The following SLC8A1 variants were observed in gnomAD, a reference collection of about 807,000 sequenced individuals.
SLC8A1 encodes the protein sodium/calcium exchanger 1.
Under a neutral mutation model 68.3 loss-of-function variants are expected in SLC8A1, and 18 were observed. That is an observed-to-expected ratio of 0.26 (90% CI 0.18 to 0.39). The LOEUF (loss-of-function observed/expected upper bound fraction) is 0.39, where lower values mean the gene tolerates loss of function less well. SLC8A1 is among the 10% of genes least tolerant of loss of function. The probability of loss-of-function intolerance (pLI) is 1.00; values close to 1 mark genes in which losing one functional copy is unlikely to be tolerated. For synonymous variants in SLC8A1, 475 were observed against 415.5 expected, an observed-to-expected ratio of 1.14 and a Z score of -1.74; for missense variants, 985 against 1,156.7, an observed-to-expected ratio of 0.85 and a Z score of 2.15.
chr2:40,300,789 C>T (rs1024968549), intron 2 of SLC8A1, among the ~76,000 whole-genome samples: 69 of 152,206 alleles, frequency 4.5e-4, no homozygotes, highest in African/African-American at 1.6e-3. Flanking sequence ...CTGCAGCAGT[C>T]ATTTTGCTTT....
At chr2:40,279,534 T>C (rs1448318654) in intron 2 of SLC8A1, among the ~76,000 whole-genome samples, 2 of 152,196 alleles carry the variant, frequency 1.3e-5, no homozygotes, top group African/African-American at 2.4e-5. Context: ...CTAATTGTTA[T>C]TGAGGAAGAA....
At chr2:40,220,791 A>G (rs1032915433) in intron 2 of SLC8A1, among the ~76,000 whole-genome samples, 2 of 152,094 alleles carry the variant, frequency 1.3e-5, no homozygotes, top group Non-Finnish European at 2.9e-5. Context: ...AGAATGATGC[A>G]AGATTGTAAC....
At chr2:40,338,756 C>T (rs1319198903) in intron 2 of SLC8A1, among the ~76,000 whole-genome samples, 2 of 152,048 alleles carry the variant, frequency 1.3e-5, no homozygotes, top group Non-Finnish European at 2.9e-5. Context: ...GGATTTTCTT[C>T]TTTTAGAAAT....
rs373167067 is a variant in SLC8A1 at position 40,428,966 on chromosome 2, T to C, written c.1315A>G (p.Thr439Ala). 1.5e-4 allele frequency: 240 copies of C among 1,613,650 alleles called. No homozygotes were observed. Among genetic ancestry groups the C allele is most frequent in the Non-Finnish European group, 2.0e-4 (234 of 1,179,886 alleles). Reference sequence around the variant, plus strand: ...TCTGTTCTGAAGTCAACAAACACAGTGTTAGTCAAATCACCACCTCTGCGG... The same window carrying C: ...TCTGTTCTGAAGTCAACAAACACAGCGTTAGTCAAATCACCACCTCTGCGG... Residue 439 changes from threonine to alanine, a missense_variant, in exon 2 of 8, where the codon ACT becomes GCT. Physicochemically the swap from Thr to Ala is moderately conservative, Grantham distance 58. Around this residue, in one of 5 missense-constraint regions of SLC8A1, gnomAD observed 584 missense variants for 565.9 expected, o/e 1.03. Coordinates refer to ENST00000406785, the Ensembl canonical transcript of SLC8A1.
intron 1 of SLC8A1, among the ~76,000 whole-genome samples, chr2:40,465,031 C>T (rs952409856): frequency 6.6e-6 from 1 of 152,166 alleles, no homozygotes; most frequent in African/African-American, 2.4e-5. Flanking sequence ...GGAAAAAGGG[C>T]GGGTGAGAGG....
At position 40,484,451 on chromosome 2, in the gene SLC8A1, T is replaced by C. The variant is rs1157963392; in HGVS notation, c.-25+27898A>G. Among the ~76,000 whole-genome samples, 5 of 152,360 alleles carry C rather than the reference T, an allele frequency of 3.3e-5. No individual in the cohort carries two copies. In the South Asian group the frequency reaches 8.3e-4, roughly 25 times the overall value. On this transcript the variant is annotated intron_variant, in intron 1 of 7. Coordinates refer to the SLC8A1 transcript ENST00000402441. ...CACTCTTCTCAGGGATGCTGTGAGC[T>C]TTCTCGTATCTTTACAATAGATTAT...
At chr2:40,435,636 G>C (rs888964256) in intron 1 of SLC8A1, among the ~76,000 whole-genome samples, 2 of 152,112 alleles carry the variant, frequency 1.3e-5, no homozygotes, top group Non-Finnish European at 2.9e-5. Flanking sequence ...AGGAAATGAA[G>C]AAACTAGGGT....
At chr2:40,297,631 C>T (rs2070662086) in intron 2 of SLC8A1, among the ~76,000 whole-genome samples, 1 of 152,160 alleles carries the variant, frequency 6.6e-6, no homozygotes, top group South Asian at 2.1e-4. Context: ...CTTCTTTATA[C>T]CAATCATCTG....
At chr2:40,487,953 C>A (rs1214548336) in intron 1 of SLC8A1, among the ~76,000 whole-genome samples, 3 of 152,224 alleles carry the variant, frequency 2.0e-5, no homozygotes, top group East Asian at 3.9e-4. Context: ...ACGATACTAC[C>A]AGCCACAGGG....
At chr2:40,292,298 G>C (rs2069479165) in intron 2 of SLC8A1, among the ~76,000 whole-genome samples, 1 of 152,124 alleles carries the variant, frequency 6.6e-6, no homozygotes, top group African/African-American at 2.4e-5. Flanking sequence ...CTGCTGACAA[G>C]TCAGACTATT....
intron 7 of SLC8A1, among the ~76,000 whole-genome samples, chr2:40,136,999 C>A (rs779954279): frequency 1.3e-5 from 2 of 151,748 alleles, no homozygotes; most frequent in Non-Finnish European, 2.9e-5. Flanking sequence ...GAAACTGTTT[C>A]AACAACAAAT....
At chr2:40,392,807 T>A (rs1685738043) in intron 2 of SLC8A1, among the ~76,000 whole-genome samples, 1 of 152,078 alleles carries the variant, frequency 6.6e-6, no homozygotes, top group Non-Finnish European at 1.5e-5. Flanking sequence ...AAAGGAGGGC[T>A]TTCAGCATTA....
chr2:40,232,078 G>C (rs986753429), intron 2 of SLC8A1, among the ~76,000 whole-genome samples: 1 of 152,100 alleles, frequency 6.6e-6, no homozygotes, highest in Non-Finnish European at 1.5e-5. Context: ...AATGGGTCCA[G>C]TTCAAAAAAT....
chr2:40,122,328 T>C (rs1471392688), intron 7 of SLC8A1, among the ~76,000 whole-genome samples: 3 of 152,022 alleles, frequency 2.0e-5, no homozygotes, highest in East Asian at 2.0e-4. Context: ...TTGCTGATGT[T>C]TGACTGATTA....
intron 2 of SLC8A1, among the ~76,000 whole-genome samples, chr2:40,323,262 C>G (rs1227020162): frequency 1.3e-5 from 2 of 152,042 alleles, no homozygotes; most frequent in African/African-American, 4.8e-5. Context: ...AAATAATCAT[C>G]CTGGATTCTG....
chr2:40,174,930 C>T, intron 3 of SLC8A1, 88 bp from the exon 5 acceptor site: 1 of 1,246,254 alleles, frequency 8.0e-7, no homozygotes, highest in Non-Finnish European at 1.2e-6. Context: ...GACAACCCAC[C>T]CAAGGTACTT....
At chr2:40,220,786 G>A (rs555527495) in intron 2 of SLC8A1, among the ~76,000 whole-genome samples, 32 of 151,960 alleles carry the variant, frequency 2.1e-4, no homozygotes, top group African/African-American at 7.2e-4. Flanking sequence ...CTTACAGAAT[G>A]ATGCAAGATT....
chr2:40,314,170 G>C (rs2074125088), intron 2 of SLC8A1, among the ~76,000 whole-genome samples: 1 of 151,952 alleles, frequency 6.6e-6, no homozygotes, highest in Admixed American at 6.6e-5. Flanking sequence ...TTTGGAATTT[G>C]TGCATATAGT....
At chr2:40,387,756 G>T (rs538016682) in intron 2 of SLC8A1, among the ~76,000 whole-genome samples, 1 of 146,208 alleles carries the variant, frequency 6.8e-6, no homozygotes. Flanking sequence ...TGGCCAACAT[G>T]GTGAAACCCT....
Sources: allele counts gnomAD v4.1 joint callset (sites outside exome capture counted in the v4.1 genomes callset), GRCh38; gene constraint gnomAD v4.1.1; regional missense constraint gnomAD v4.1.1; transcripts MANE v1.5; gene names NCBI Gene and HGNC (gene_info 2026-07-23, HGNC 2026-07-21).